ACOT7: variants seen among roughly 807,000 people sequenced by gnomAD.
ACOT7 encodes the protein acyl-CoA thioesterase 7.
A neutral mutation model predicts 40.2 loss-of-function variants in ACOT7; 12 were observed. The ratio of observed to expected loss-of-function variants is 0.30; its 90% CI spans 0.19 to 0.48. The LOEUF (loss-of-function observed/expected upper bound fraction) is 0.48, where lower values mean the gene tolerates loss of function less well. Among genes scored for constraint, ACOT7 ranks in the 20% least tolerant of loss-of-function variants. The pLI is 0.99. For missense variants in ACOT7, 395 were observed against 530.8 expected (o/e 0.74, Z 2.51); for synonymous variants, 228 against 219.5 (o/e 1.04, Z -0.34).
At chr1:6,332,526 G>C (rs963311295) in intron 4 of ACOT7, among the ~76,000 whole-genome samples, 7 of 152,228 alleles carry the variant, frequency 4.6e-5, no homozygotes, top group Admixed American at 6.5e-5. Context: ...TATTATGAAA[G>C]GTGCTTCTGC....
At chr1:6,314,145 C>T (rs915529603) in intron 6 of ACOT7, among the ~76,000 whole-genome samples, 1 of 152,240 alleles carries the variant, frequency 6.6e-6, no homozygotes, top group African/African-American at 2.4e-5. Flanking sequence ...CTGGAGGGCA[C>T]AGAACAACCA....
chr1:6,379,369 C>T (rs111622124), intron 1 of ACOT7, among the ~76,000 whole-genome samples: 40 of 152,020 alleles, frequency 2.6e-4, no homozygotes, highest in Admixed American at 9.2e-4. Context: ...TGTGTCCACA[C>T]GTGCAAATGG....
chr1:6,365,791 C>T (rs1416346988), intron 1 of ACOT7, among the ~76,000 whole-genome samples: 1 of 151,360 alleles, frequency 6.6e-6, no homozygotes, highest in South Asian at 2.1e-4. Flanking sequence ...AAATTTATTG[C>T]TAAAAAATGC....
At position 6,274,512 on chromosome 1, in the gene ACOT7, C is replaced by T. The variant is rs1639133590; in HGVS notation, c.1014+6590G>A. Among the ~76,000 whole-genome samples the T allele has an allele frequency of 6.6e-6, 1 of 152,226 alleles. No individual in the cohort carries two copies. The highest frequency in any genetic ancestry group is 1.5e-5 in the Non-Finnish European group (1 of 68,044). ...CCTCTCGGCTGGCGCGGGGCTTACC[C>T]GGCCCCTGCACTCATGCAGGTGAAC... On this transcript the variant is annotated intron_variant, in intron 8 of 8. Coordinates refer to ENST00000361521, the MANE Select transcript of ACOT7 (RefSeq NM_007274.4). This position sits in a 1 kb window ranked among gnomAD's most constrained non-coding sequence, Gnocchi z 5.9.
chr1:6,343,404 T>C (rs562817766), intron 2 of ACOT7, among the ~76,000 whole-genome samples: 3 of 152,374 alleles, frequency 2.0e-5, no homozygotes, highest in Non-Finnish European at 4.4e-5. Context: ...GTGACTCTCC[T>C]GCACACAGGC....
chr1:6,303,664 A>C (rs896824393), intron 6 of ACOT7, among the ~76,000 whole-genome samples: 1 of 152,188 alleles, frequency 6.6e-6, no homozygotes, highest in African/African-American at 2.4e-5. Flanking sequence ...TAAGAAAATG[A>C]TAGTAACTTC....
intron 7 of ACOT7, among the ~76,000 whole-genome samples, chr1:6,291,047 A>G (rs1199886193): frequency 6.6e-6 from 1 of 152,186 alleles, no homozygotes; most frequent in Non-Finnish European, 1.5e-5. Context: ...GGTGAATCCC[A>G]GAGGGGATTT....
At chr1:6,322,434 C>G (rs897825369) in intron 5 of ACOT7, among the ~76,000 whole-genome samples, 2 of 152,210 alleles carry the variant, frequency 1.3e-5, no homozygotes, top group African/African-American at 2.4e-5. Flanking sequence ...GTTTGAAATT[C>G]TGTGTGTGGA....
At chr1:6,373,117 G>A (rs1642162342) in intron 1 of ACOT7, among the ~76,000 whole-genome samples, 1 of 152,160 alleles carries the variant, frequency 6.6e-6, no homozygotes, top group African/African-American at 2.4e-5. Context: ...ACTGGTCATA[G>A]ATCACCATAA....
intron 1 of ACOT7, among the ~76,000 whole-genome samples, chr1:6,366,451 T>G (rs1455725939): frequency 2.0e-5 from 3 of 152,026 alleles, no homozygotes; most frequent in Non-Finnish European, 2.9e-5. Context: ...CTACTCATGG[T>G]GGCACTTGCC....
Position 6,281,121 on chromosome 1 carries a change from AGC to A in ACOT7, c.993_994del (p.Leu332AlafsTer17). 6.2e-7 allele frequency: 1 copy of A among 1,613,756 alleles called. No homozygotes were observed. Among genetic ancestry groups the A allele is most frequent in the Non-Finnish European group, 8.5e-7 (1 of 1,180,020 alleles). Reference sequence around the variant, plus strand: ...ACTCACCACCAGCTGGGGCACAGGCAGCGACCTGCCTTCCTGGCTCAGCGACA... The same window carrying A: ...ACTCACCACCAGCTGGGGCACAGGCAGACCTGCCTTCCTGGCTCAGCGACA... On this transcript the variant is annotated frameshift_variant, in exon 8 of 9. Coordinates refer to ENST00000361521, the MANE Select transcript of ACOT7 (RefSeq NM_007274.4). LOFTEE classifies it high-confidence loss of function.
At position 6,382,015 on chromosome 1, in the gene ACOT7, G is replaced by A. The variant is rs1157494357; in HGVS notation, c.143+11242C>T. Among the ~76,000 whole-genome samples, 3 of 151,714 alleles carry A rather than the reference G, an allele frequency of 2.0e-5. 1 individual carries two copies. The highest frequency in any genetic ancestry group is 4.4e-5 in the Non-Finnish European group (3 of 67,876). ...TAGCTGGGCGTGATGGTGGGCGCCT[G>A]TAGTCCCAGCTACTCAGGAGGCTGA... On this transcript the variant is annotated intron_variant, in intron 1 of 8. Transcript: ENST00000361521.
At chr1:6,336,419 C>T (rs1313167081) in intron 3 of ACOT7, among the ~76,000 whole-genome samples, 2 of 151,776 alleles carry the variant, frequency 1.3e-5, no homozygotes, top group East Asian at 3.9e-4. Flanking sequence ...CAATCACATC[C>T]CAGTTAGCTT....
At chr1:6,387,399 G>A (rs117099474) in intron 1 of ACOT7, among the ~76,000 whole-genome samples, 2,661 of 152,028 alleles carry the variant, frequency 0.018, 28 homozygotes, top group Middle Eastern at 0.037. Context: ...CATTATCAAG[G>A]GACTATTCAA....
chr1:6,266,246 T>C (rs1038579520), intron 8 of ACOT7, among the ~76,000 whole-genome samples: 3 of 152,252 alleles, frequency 2.0e-5, no homozygotes, highest in African/African-American at 7.2e-5. Flanking sequence ...TGAAATGTTC[T>C]TTCTCAGTTC....
intron 2 of ACOT7, among the ~76,000 whole-genome samples, chr1:6,344,685 A>T (rs1481860604): frequency 6.8e-6 from 1 of 147,772 alleles, no homozygotes; most frequent in African/African-American, 2.5e-5. Flanking sequence ...AATCACTTGA[A>T]CCCAGGAGGC....
At chr1:6,339,711 C>G (rs1641210982) in intron 2 of ACOT7, 122 bp from the exon 3 acceptor site, 1 of 1,065,190 alleles carries the variant, frequency 9.4e-7, no homozygotes, top group African/African-American at 1.6e-5. Context: ...TGAAAGCAAC[C>G]AATGTATCAC....
Position 6,393,372 on chromosome 1 carries a change from C to A in ACOT7, c.28G>T (p.Ala10Ser). The change falls in exon 1 of 9, where the codon GCG becomes TCG. Residue 10 changes from alanine to serine, a missense_variant. Around this residue, in one of 2 missense-constraint regions of ACOT7, gnomAD observed 86 missense variants for 60.5 expected, o/e 1.42. Transcript: ENST00000361521. ...GCGCAGGTGTCTGGCAGGCCCGGCG[C>A]GGAATGAATGAGCCCGGGCCGCGCC... MARPGLIHSAPGLPDTCALL... is the reference protein window; with the variant it reads MARPGLIHSSPGLPDTCALL... 8.1e-7 allele frequency: 1 copy of A among 1,235,296 alleles called. No homozygotes were observed. Among genetic ancestry groups the A allele is most frequent in the Non-Finnish European group, 1.0e-6 (1 of 987,246 alleles). The allele number at this position is 1,235,296 out of a possible 1,614,324, so 76.5% of individuals were successfully genotyped here.
intron 7 of ACOT7, among the ~76,000 whole-genome samples, chr1:6,290,345 C>T (rs890698667): frequency 3.3e-5 from 5 of 152,190 alleles, no homozygotes; most frequent in Non-Finnish European, 7.4e-5. Context: ...TGACTGGCAA[C>T]GGGTCTCAAC....
Sources: gnomAD v4.1 joint callset for allele counts (sites outside exome capture counted in the v4.1 genomes callset) on GRCh38, gnomAD v4.1.1 for gene constraint, gnomAD v4.1.1 regional missense constraint, Gnocchi (gnomAD v3.1) non-coding constraint, MANE v1.5 for transcripts, NCBI Gene and HGNC (gene_info 2026-07-23, HGNC 2026-07-21) for gene names.